The following SNCAIP variants were observed in gnomAD, a reference collection of about 807,000 sequenced individuals.
SNCAIP encodes the protein synuclein alpha interacting protein.
SNCAIP carries 43 observed loss-of-function variants against 86.7 expected under a neutral mutation model. The ratio of observed to expected loss-of-function variants is 0.50; its 90% CI spans 0.39 to 0.64. The LOEUF (loss-of-function observed/expected upper bound fraction) is 0.64, where lower values mean the gene tolerates loss of function less well. SNCAIP is among the 30% of genes least tolerant of loss of function. The pLI, the probability that SNCAIP is intolerant of heterozygous loss-of-function variation, is 0.00. For missense variants in SNCAIP, 981 were observed against 1,103.1 expected, an observed-to-expected ratio of 0.89 and a Z score of 1.57; for synonymous variants, 417 against 427.2, an observed-to-expected ratio of 0.98 and a Z score of 0.29.
At chr5:122,318,966 CTTTTT>C (rs58667095) in intron 1 of SNCAIP, among the ~76,000 whole-genome samples, 9,491 of 130,594 alleles carry the variant, frequency 0.073, 1,005 homozygotes, top group African/African-American at 0.24. Flanking sequence ...CTGTTATCAT[CTTTTT>C]TTTTTTTTTT....
At chr5:122,359,362 T>TTTATTTATTTATTTAG (rs1393727964) in intron 1 of SNCAIP, among the ~76,000 whole-genome samples, 3 of 149,804 alleles carry the variant, frequency 2.0e-5, no homozygotes, top group Non-Finnish European at 4.4e-5. Flanking sequence ...TATTTATTTA[T>TTTATTTATTTATTTAG]TTATTTATTT....
At chr5:122,323,994 C>T (rs1044556859) in intron 1 of SNCAIP, among the ~76,000 whole-genome samples, 5 of 152,178 alleles carry the variant, frequency 3.3e-5, no homozygotes, top group Non-Finnish European at 5.9e-5. Flanking sequence ...GTTCACTTGC[C>T]TTGTCCCTGA....
At chr5:122,440,967 G>A (rs1046474132) in intron 7 of SNCAIP, 3 of 552,300 alleles carry the variant, frequency 5.4e-6, no homozygotes, top group Non-Finnish European at 9.7e-6. Context: ...CAGTGTCCCA[G>A]GGTGTTGAAA....
intron 10 of SNCAIP, among the ~76,000 whole-genome samples, chr5:122,451,977 G>A (rs1645464508): frequency 6.6e-6 from 1 of 152,190 alleles, no homozygotes; most frequent in Admixed American, 6.5e-5. Flanking sequence ...CTGTCCCAAG[G>A]AAGAGTTTGT....
At chr5:122,386,002 G>T (rs1417366371) in intron 1 of SNCAIP, among the ~76,000 whole-genome samples, 2 of 152,076 alleles carry the variant, frequency 1.3e-5, no homozygotes, top group Non-Finnish European at 2.9e-5. Context: ...AAATTTTTCA[G>T]TAGAGCAATT....
At chr5:122,386,249 T>C (rs1470718621) in intron 1 of SNCAIP, among the ~76,000 whole-genome samples, 1 of 152,228 alleles carries the variant, frequency 6.6e-6, no homozygotes, top group African/African-American at 2.4e-5. Flanking sequence ...AATATCATAA[T>C]ACGGGGGTGG....
At chr5:122,342,877 G>A (rs944732284) in intron 1 of SNCAIP, among the ~76,000 whole-genome samples, 3 of 152,136 alleles carry the variant, frequency 2.0e-5, no homozygotes, top group African/African-American at 7.2e-5. Flanking sequence ...GAATGTTTAG[G>A]ATATGTTATT....
rs1433639159 is a variant in SNCAIP at position 122,362,042 on chromosome 5, T to G, written c.-46-29047T>G. Among the ~76,000 whole-genome samples, 5 of 152,226 alleles carry G rather than the reference T, an allele frequency of 3.3e-5. No homozygotes were observed. In the East Asian group the frequency reaches 5.8e-4, roughly 18 times the overall value. On this transcript the variant is annotated intron_variant, in intron 1 of 10. Coordinates refer to ENST00000261368, the MANE Select transcript of SNCAIP (RefSeq NM_005460.4). ...TCCTAATTTCCTAATCATCACTGAT[T>G]TGCCTGCATCAAATAATTTTGCTTA...
chr5:122,374,361 T>C (rs1427555260), intron 1 of SNCAIP, among the ~76,000 whole-genome samples: 3 of 152,206 alleles, frequency 2.0e-5, no homozygotes, highest in Non-Finnish European at 4.4e-5. Context: ...GCTTCTCTGC[T>C]CTCAGTCCTT....
At chr5:122,440,355 G>C (rs193055454) in intron 6 of SNCAIP, 139 of 418,580 alleles carry the variant, frequency 3.3e-4, no homozygotes, top group Non-Finnish European at 1.7e-4. Flanking sequence ...CAATCTTACT[G>C]CAAACCTATT....
chr5:122,351,629 A>G (rs1759873085), intron 1 of SNCAIP, among the ~76,000 whole-genome samples: 1 of 149,960 alleles, frequency 6.7e-6, no homozygotes, highest in Non-Finnish European at 1.5e-5. Context: ...GTCACTGAGC[A>G]GCTTTTTTTG....
chr5:122,417,869 G>A (rs1442854338), intron 3 of SNCAIP, among the ~76,000 whole-genome samples: 2 of 152,186 alleles, frequency 1.3e-5, no homozygotes, highest in Non-Finnish European at 2.9e-5. Context: ...GCCCTTGAGG[G>A]GTTCTCAGGA....
chr5:122,413,347 A>G (rs1012875018), intron 3 of SNCAIP, among the ~76,000 whole-genome samples: 6 of 152,062 alleles, frequency 3.9e-5, no homozygotes, highest in Non-Finnish European at 5.9e-5. Flanking sequence ...GCTTCCTTCT[A>G]CCTACTCAGA....
chr5:122,390,880 C>G (rs1769196767), intron 1 of SNCAIP, among the ~76,000 whole-genome samples: 1 of 152,168 alleles, frequency 6.6e-6, no homozygotes, highest in East Asian at 1.9e-4. Context: ...TGAGTGCCCA[C>G]TGGGGAGCCA....
At chr5:122,339,241 T>C (rs1406887225) in intron 1 of SNCAIP, among the ~76,000 whole-genome samples, 1 of 152,212 alleles carries the variant, frequency 6.6e-6, no homozygotes, top group East Asian at 1.9e-4. Context: ...CAATCCCTTA[T>C]GTGGGCTGCA....
At chr5:122,322,651 G>T (rs1485519566) in intron 1 of SNCAIP, among the ~76,000 whole-genome samples, 8 of 152,208 alleles carry the variant, frequency 5.3e-5, no homozygotes, top group East Asian at 3.8e-4. Context: ...GATGAATGAA[G>T]TCTAGAAAAT....
intron 7 of SNCAIP, chr5:122,444,312 A>T: frequency 1.8e-6 from 1 of 554,614 alleles, no homozygotes; most frequent in Non-Finnish European, 3.4e-6. Context: ...CATATCTCAT[A>T]AAGGAGAGCA....
At chr5:122,374,429 A>T (rs1431837414) in intron 1 of SNCAIP, among the ~76,000 whole-genome samples, 3 of 152,180 alleles carry the variant, frequency 2.0e-5, no homozygotes, top group African/African-American at 7.2e-5. Context: ...GGTGCCAAAG[A>T]GGAAAAACCC....
At chr5:122,417,322 AGTGAGTCATT>A (rs1358737792) in intron 3 of SNCAIP, among the ~76,000 whole-genome samples, 2 of 152,230 alleles carry the variant, frequency 1.3e-5, no homozygotes, top group African/African-American at 4.8e-5. Context: ...AGTGTTTCAT[AGTGAGTCATT>A]CAGAATAAAG....
Sources: gnomAD v4.1 joint callset for allele counts (sites outside exome capture counted in the v4.1 genomes callset) on GRCh38, gnomAD v4.1.1 for gene constraint, MANE v1.5 for transcripts, NCBI Gene and HGNC (gene_info 2026-07-23, HGNC 2026-07-21) for gene names.